Variants in LRP1 observed in about 807,000 individuals in gnomAD.
LRP1 encodes the protein LDL receptor related protein 1.
In LRP1, 51 loss-of-function variants were observed where a neutral mutation model predicts 541.5. The ratio of observed to expected loss-of-function variants is 0.09; its 90% CI spans 0.08 to 0.12. The LOEUF (loss-of-function observed/expected upper bound fraction) is 0.12. Among genes scored for constraint, LRP1 ranks in the 10% least tolerant of loss-of-function variants. The probability of loss-of-function intolerance (pLI) is 1.00; values close to 1 mark genes in which losing one functional copy is unlikely to be tolerated. For synonymous variants in LRP1, 2,219 were observed against 2,470.8 expected, an observed-to-expected ratio of 0.90 and a Z score of 3.02; for missense variants, 3,878 against 6,376.2, an observed-to-expected ratio of 0.61 and a Z score of 13.34.
intron 6 of LRP1, chr12:57,148,841 G>T: frequency 2.1e-6 from 1 of 477,806 alleles, no homozygotes; most frequent in Non-Finnish European, 3.7e-6. Context: ...ATGCTGCATG[G>T]GGAAGAAGGA....
At position 57,180,473 on chromosome 12, in the gene LRP1, A is replaced by G. The variant is rs960740152; in HGVS notation, c.5380A>G (p.Ile1794Val). The G allele has an allele frequency of 6.2e-7, 1 of 1,613,996 alleles. No individual in the cohort carries two copies. Among genetic ancestry groups the G allele is most frequent in the Middle Eastern group, 1.7e-4 (1 of 6,060 alleles). The part of the protein sequence containing the change: ...SQLGKATALA[I>V]MGDKLWWADQ... ...GCTGGGCAAGGCCACCGCCCTGGCC[A>G]TCATGGGTGAGGGCTGCTGGGCGAA... Residue 1794 changes from isoleucine to valine, a missense_variant, in exon 32 of 89, where the codon ATC (isoleucine) becomes GTC (valine). By Grantham distance (29) the Ile-to-Val change is conservative (BLOSUM62 3). Around this residue, in one of 13 missense-constraint regions of LRP1, gnomAD observed 394 missense variants for 635.9 expected, o/e 0.62. Transcript: ENST00000243077.
chr12:57,176,296 C>G (rs1268978719), intron 24 of LRP1, among the ~76,000 whole-genome samples, 190 bp downstream of exon 24: 1 of 152,246 alleles, frequency 6.6e-6, no homozygotes, highest in Non-Finnish European at 1.5e-5. Context: ...AGCAGAACTG[C>G]CAGCCTGATA....
intron 44 of LRP1, among the ~76,000 whole-genome samples, chr12:57,192,034 C>T (rs2036420073): frequency 7.0e-6 from 1 of 143,292 alleles, no homozygotes; most frequent in Non-Finnish European, 1.5e-5. Context: ...CCACCCACAA[C>T]ACACATCACA....
chr12:57,160,439 A>T (rs1185891512), intron 12 of LRP1, among the ~76,000 whole-genome samples: 1 of 151,718 alleles, frequency 6.6e-6, no homozygotes, highest in Non-Finnish European at 1.5e-5. Context: ...TCAGCCTGGA[A>T]CTCCCAGATA....
At chr12:57,208,518 A>C (rs979695911) in intron 77 of LRP1, 193 bp from the exon 78 acceptor site, 3 of 591,052 alleles carry the variant, frequency 5.1e-6, no homozygotes, top group Non-Finnish European at 9.0e-6. Context: ...GAATGAGCAC[A>C]CTGTGGTTTT....
chr12:57,142,048 G>A (rs2035303088), intron 3 of LRP1, among the ~76,000 whole-genome samples: 1 of 152,148 alleles, frequency 6.6e-6, no homozygotes, highest in South Asian at 2.1e-4. Flanking sequence ...TGTCTGAGGT[G>A]GTTGATAGGA....
chr12:57,171,280 T>A (rs1297622692), intron 20 of LRP1, among the ~76,000 whole-genome samples: 1 of 152,172 alleles, frequency 6.6e-6, no homozygotes, highest in Non-Finnish European at 1.5e-5. Flanking sequence ...AGTTGTTAAC[T>A]ATGGTATGAG....
intron 80 of LRP1, 50 bp downstream of exon 80, chr12:57,209,918 G>T (rs750036406): frequency 3.2e-5 from 51 of 1,602,844 alleles, no homozygotes; most frequent in Non-Finnish European, 4.3e-5. Flanking sequence ...TGTGGGCATT[G>T]AGTCTCCAAG....
Position 57,204,335 on chromosome 12 carries a change from G to A in LRP1, c.10952-75G>A. 2 of 1,445,442 alleles carry A rather than the reference G, an allele frequency of 1.4e-6. No individual in the cohort carries two copies. Among genetic ancestry groups the A allele is most frequent in the Non-Finnish European group, 1.8e-6 (2 of 1,093,452 alleles). The allele number at this position is 1,445,442 out of a possible 1,614,324, so 89.5% of individuals were successfully genotyped here. A position where few individuals can be genotyped will look rare whatever the true frequency, so the allele number is the denominator to read the frequency against. Reference sequence around the variant, plus strand: ...TTGCCTGGTGACCCCTCTGAGCCTGGAACCCCCACCTGTGGAGACAGGGGT... The same window carrying A: ...TTGCCTGGTGACCCCTCTGAGCCTGAAACCCCCACCTGTGGAGACAGGGGT... On this transcript the variant is annotated intron_variant, in intron 70 of 88. Transcript: ENST00000243077. The surrounding 1 kb of genome is among the most constrained non-coding windows in gnomAD (Gnocchi z 5.3).
At chr12:57,157,746 G>A (rs1245241943) in intron 10 of LRP1, among the ~76,000 whole-genome samples, 3 of 152,258 alleles carry the variant, frequency 2.0e-5, no homozygotes, top group Non-Finnish European at 4.4e-5. Flanking sequence ...CCCTGAGGGA[G>A]GAGCATGTCC....
Position 57,178,830 on chromosome 12 carries a change from T to G in LRP1, c.4607-60T>G. 6.4e-7 allele frequency: 1 copy of G among 1,573,788 alleles called. No homozygotes were observed. Among genetic ancestry groups the G allele is most frequent in the South Asian group, 1.2e-5 (1 of 84,384 alleles). On this transcript the variant is annotated intron_variant, in intron 27 of 88. Transcript: ENST00000243077. The surrounding 1 kb of genome is among the most constrained non-coding windows in gnomAD (Gnocchi z 5.8). Reference sequence around the variant, plus strand: ...GAGTGGGCGAGGAAGGGGTGGTCCATGTAGGGAGCAGCAAGTCACAGGATG... The same window carrying G: ...GAGTGGGCGAGGAAGGGGTGGTCCAGGTAGGGAGCAGCAAGTCACAGGATG...
intron 41 of LRP1, 24 bp from the exon 42 acceptor site, chr12:57,187,243 A>C: frequency 6.3e-7 from 1 of 1,599,776 alleles, no homozygotes; most frequent in Non-Finnish European, 8.5e-7. Flanking sequence ...CTCCTGACAA[A>C]TCGCTGCTCC....
Position 57,189,657 on chromosome 12 carries a change from G to A in LRP1, c.7032-1148G>A, listed in dbSNP as rs932545336. Among the ~76,000 whole-genome samples the A allele has an allele frequency of 3.3e-5, 5 of 152,010 alleles. No homozygotes were observed. Among genetic ancestry groups the A allele is most frequent in the Admixed American group, 1.3e-4 (2 of 15,268 alleles). ...TCTGAGGAGACAAGTTCACAGGCCA[G>A]AGGACAGATCTGTGGCCAGAATGGT... On this transcript the variant is annotated intron_variant, in intron 42 of 88. Coordinates refer to ENST00000243077, the MANE Select transcript of LRP1 (RefSeq NM_002332.3). This position sits in a 1 kb window ranked among gnomAD's most constrained non-coding sequence, Gnocchi z 4.4.
chr12:57,172,423 C>T (rs184731056), intron 20 of LRP1, among the ~76,000 whole-genome samples: 170 of 152,328 alleles, frequency 1.1e-3, no homozygotes, highest in African/African-American at 3.9e-3. Flanking sequence ...CCCGCCTTGG[C>T]ATCCCAAAGT....
At chr12:57,152,660 T>C (rs1489077636) in intron 6 of LRP1, among the ~76,000 whole-genome samples, 2 of 152,150 alleles carry the variant, frequency 1.3e-5, no homozygotes, top group Non-Finnish European at 2.9e-5. Context: ...GGGACAGTAC[T>C]GGGGGCCCAG....
At chr12:57,193,851 C>T in intron 47 of LRP1, 48 bp from the exon 48 acceptor site, 1 of 1,598,082 alleles carries the variant, frequency 6.3e-7, no homozygotes, top group Middle Eastern at 1.8e-4. Context: ...CTTCTGGCCC[C>T]CACAGAGAAA....
chr12:57,167,573 T>C, intron 19 of LRP1, 49 bp downstream of exon 19: 2 of 1,506,480 alleles, frequency 1.3e-6, no homozygotes, highest in African/African-American at 2.7e-5. Context: ...AGCTAGAGGC[T>C]ACAGCCAGGC....
At position 57,187,331 on chromosome 12, in the gene LRP1, C is replaced by T. The variant is rs1359254271; in HGVS notation, c.6906C>T (p.Tyr2302=). The T allele has an allele frequency of 6.2e-7, 1 of 1,614,212 alleles. No individual in the cohort carries two copies. Among genetic ancestry groups the T allele is most frequent in the South Asian group, 1.1e-5 (1 of 91,088 alleles). Residue 2302 remains tyrosine (Y), a synonymous_variant, in exon 42 of 89, where the codon TAC becomes TAT. Transcript: ENST00000243077. ...GGGACACTCTCTATTGGACAAGCTACACGACATCCACCATCACGCGCCACA... is the reference window on the plus strand; with the variant it reads ...GGGACACTCTCTATTGGACAAGCTATACGACATCCACCATCACGCGCCACA... The part of the protein sequence containing the change: ...RGWDTLYWTS[Y]TTSTITRHTV...
chr12:57,141,518 A>G lies in LRP1; in HGVS notation c.328+7A>G, dbSNP rs758222146. 1 of 1,614,074 alleles carries G rather than the reference A, an allele frequency of 6.2e-7. No homozygotes were observed. The highest frequency in any genetic ancestry group is 1.1e-5 in the South Asian group (1 of 91,070). On this transcript the variant is annotated splice_region_variant and intron_variant, in intron 3 of 88. Coordinates refer to ENST00000243077, the MANE Select transcript of LRP1 (RefSeq NM_002332.3). ...GAGGGGCCCCACTGCCGAGGTAAGG[A>G]CTTTTCCACTCTCTACTCTCCCGTC... is the stretch of plus-strand genomic sequence containing the variant.
Sources: allele counts gnomAD v4.1 joint callset (sites outside exome capture counted in the v4.1 genomes callset), GRCh38; gene constraint gnomAD v4.1.1; regional missense constraint gnomAD v4.1.1; non-coding constraint Gnocchi (gnomAD v3.1); transcripts MANE v1.5; gene names NCBI Gene and HGNC (gene_info 2026-07-23, HGNC 2026-07-21).